TCF7L1: variants seen among roughly 807,000 people sequenced by gnomAD.
TCF7L1 encodes the protein transcription factor 7-like 1.
In TCF7L1, 18 loss-of-function variants were observed where a neutral mutation model predicts 63.7. The observed-to-expected ratio is 0.28, with a 90% CI of 0.20 to 0.42. TCF7L1 has a LOEUF of 0.42. Ranked by LOEUF, TCF7L1 falls within the 10% of genes least tolerant of loss-of-function variation. The pLI is 1.00. For missense variants in TCF7L1, 654 were observed against 779.3 expected (o/e 0.84, Z 1.91); for synonymous variants, 355 against 340.9 (o/e 1.04, Z -0.46).
At chr2:85,291,396 A>G (rs974504643) in intron 4 of TCF7L1, among the ~76,000 whole-genome samples, 16 of 152,160 alleles carry the variant, frequency 1.1e-4, no homozygotes, top group African/African-American at 3.9e-4. Flanking sequence ...ACAAAACACT[A>G]CAAAATAACT....
At position 85,309,334 on chromosome 2, in the gene TCF7L1, C is replaced by T. The variant is rs769827015; in HGVS notation, c.1639C>T (p.Pro547Ser). Reference protein sequence around the residue: ...SQPPLLSRPLPLGSMPTALLA... With the variant: ...SQPPLLSRPLSLGSMPTALLA... The stretch of plus-strand genomic sequence containing the variant: ...GCCTCCCCTCCTGTCCCGGCCCCTC[C>T]CCCTTGGGTCCATGCCCACAGCTCT... The change falls in exon 12 of 12, where the codon CCC becomes TCC. Residue 547 changes from proline to serine, a missense_variant. This residue lies in a region of TCF7L1 where 184 missense variants were observed against 204.0 expected (regional missense o/e 0.90). Transcript: ENST00000282111. The T allele has an allele frequency of 6.2e-7, 1 of 1,612,776 alleles. No individual in the cohort carries two copies. The highest frequency in any genetic ancestry group is 1.1e-5 in the South Asian group (1 of 90,932).
intron 3 of TCF7L1, among the ~76,000 whole-genome samples, chr2:85,208,736 A>G (rs1384709061): frequency 3.9e-5 from 6 of 152,184 alleles, no homozygotes; most frequent in African/African-American, 1.2e-4. Context: ...GGAAGGGACA[A>G]TTCCAGGGTG....
At position 85,302,630 on chromosome 2, in the gene TCF7L1, C is replaced by T. The variant is rs1682010440; in HGVS notation, c.658+14C>T. ...ATCCAAAGACAGGTAAGTCGTCTGC[C>T]ACTCAGGCAGTGCTGCTGCAGGGCA... On this transcript the variant is annotated intron_variant, in intron 5 of 11. Coordinates refer to ENST00000282111, the MANE Select transcript of TCF7L1 (RefSeq NM_031283.3). 1 of 1,612,300 alleles carries T rather than the reference C, an allele frequency of 6.2e-7. No individual in the cohort carries two copies. The highest frequency in any genetic ancestry group is 1.1e-5 in the South Asian group (1 of 90,896).
At chr2:85,178,947 G>C (rs1321716876) in intron 3 of TCF7L1, among the ~76,000 whole-genome samples, 1 of 152,188 alleles carries the variant, frequency 6.6e-6, no homozygotes, top group Non-Finnish European at 1.5e-5. Flanking sequence ...CAAGAGGATG[G>C]ATGGAAGAAA....
chr2:85,225,685 G>A lies in TCF7L1; in HGVS notation c.442-57810G>A, dbSNP rs185851144. 3.5e-3 allele frequency among the ~76,000 whole-genome samples: 530 copies of A among 152,266 alleles called. 5 individuals carry two copies. Among genetic ancestry groups the A allele is most frequent in the African/African-American group, 0.012 (478 of 41,552 alleles). On this transcript the variant is annotated intron_variant, in intron 3 of 11. Coordinates refer to ENST00000282111, the MANE Select transcript of TCF7L1 (RefSeq NM_031283.3). ...GCTTAAGGAGATTTTGGGCTGAGAC[G>A]ATGGGGTTTTCTAAATATACAGTCA...
intron 3 of TCF7L1, among the ~76,000 whole-genome samples, chr2:85,183,388 C>G (rs1456883385): frequency 6.6e-6 from 1 of 152,084 alleles, no homozygotes; most frequent in Non-Finnish European, 1.5e-5. Flanking sequence ...GTCCCTAGTC[C>G]AAGCTTTATA....
intron 3 of TCF7L1, among the ~76,000 whole-genome samples, chr2:85,225,562 G>C (rs1679937632): frequency 6.6e-6 from 1 of 152,202 alleles, no homozygotes; most frequent in African/African-American, 2.4e-5. Context: ...GTTCACTCAT[G>C]ATTTGGCTCT....
chr2:85,161,563 G>A (rs1414822945), intron 3 of TCF7L1, among the ~76,000 whole-genome samples: 1 of 152,218 alleles, frequency 6.6e-6, no homozygotes, highest in Admixed American at 6.5e-5. Context: ...AAAGATTGCT[G>A]TTGGCAGAGG....
chr2:85,226,704 G>A (rs1248904847), intron 3 of TCF7L1, among the ~76,000 whole-genome samples: 1 of 151,862 alleles, frequency 6.6e-6, no homozygotes. Flanking sequence ...CTCTAAAACT[G>A]TCCTGTGATC....
chr2:85,155,955 CAT>C (rs1415889353), intron 3 of TCF7L1, among the ~76,000 whole-genome samples: 2 of 152,192 alleles, frequency 1.3e-5, no homozygotes, highest in African/African-American at 4.8e-5. Context: ...AAGTTTGGCT[CAT>C]ATGTGGTCCT....
intron 3 of TCF7L1, among the ~76,000 whole-genome samples, chr2:85,149,618 G>A (rs867454766): frequency 6.6e-5 from 10 of 151,888 alleles, no homozygotes; most frequent in African/African-American, 1.2e-4. Flanking sequence ...TCCGCCTCCC[G>A]GGTTCACGCC....
rs541185033 is a variant in TCF7L1 at position 85,197,028 on chromosome 2, G to A, written c.441+62578G>A. Among the ~76,000 whole-genome samples the A allele has an allele frequency of 3.3e-5, 5 of 152,276 alleles. No individual in the cohort carries two copies. In the East Asian group the frequency reaches 9.7e-4, roughly 29 times the overall value. The stretch of plus-strand genomic sequence containing the variant: ...CTTGCGTGCAGGTTTCTCTGCCTAG[G>A]TTGGTGTTACCTCACTTCTCACTTG... On this transcript the variant is annotated intron_variant, in intron 3 of 11. Coordinates refer to ENST00000282111, the MANE Select transcript of TCF7L1 (RefSeq NM_031283.3).
chr2:85,290,457 T>C (rs1386341613), intron 4 of TCF7L1, among the ~76,000 whole-genome samples: 1 of 152,202 alleles, frequency 6.6e-6, no homozygotes, highest in Non-Finnish European at 1.5e-5. Flanking sequence ...ATTACAGGCA[T>C]GAGCCATCAT....
chr2:85,145,446 C>G (rs1322921230), intron 3 of TCF7L1, among the ~76,000 whole-genome samples: 1 of 152,192 alleles, frequency 6.6e-6, no homozygotes, highest in Non-Finnish European at 1.5e-5. Flanking sequence ...GATCAATTTA[C>G]AAGTCCAGAT....
chr2:85,151,326 G>T (rs1032681281), intron 3 of TCF7L1, among the ~76,000 whole-genome samples: 3 of 152,130 alleles, frequency 2.0e-5, no homozygotes, highest in Admixed American at 2.0e-4. Context: ...TTAACATGTT[G>T]CTCTATCCAC....
chr2:85,238,386 C>G (rs991413958), intron 3 of TCF7L1, among the ~76,000 whole-genome samples: 1 of 152,170 alleles, frequency 6.6e-6, no homozygotes, highest in African/African-American at 2.4e-5. Flanking sequence ...AGACACGGAG[C>G]CTTCAGCTGC....
At position 85,292,147 on chromosome 2, in the gene TCF7L1, A is replaced by G. The variant is rs1483943089; in HGVS notation, c.525+8569A>G. Among the ~76,000 whole-genome samples the G allele has an allele frequency of 1.3e-4, 6 of 47,314 alleles. 3 individuals carry two copies. Among genetic ancestry groups the G allele is most frequent in the Non-Finnish European group, 1.8e-4 (6 of 32,812 alleles). 31.0% of individuals were successfully genotyped at this position (47,314 alleles called of 152,430 possible). ...GCCATTCTCCCGCCTCAGCCTCCCA[A>G]GTAGCTGGGACTACAGGCGCCCGCC... On this transcript the variant is annotated intron_variant, in intron 4 of 11. Transcript: ENST00000282111.
chr2:85,266,218 CA>C (rs1253593560), intron 3 of TCF7L1, among the ~76,000 whole-genome samples: 1 of 152,190 alleles, frequency 6.6e-6, no homozygotes, highest in Admixed American at 6.5e-5. Flanking sequence ...AACATCCTTG[CA>C]GCTATATTTT....
At chr2:85,233,199 G>T (rs1275115261) in intron 3 of TCF7L1, 3 of 151,880 alleles carry the variant, frequency 2.0e-5, no homozygotes, top group Non-Finnish European at 2.9e-5. Flanking sequence ...CTCCCAAAGT[G>T]CTGGGATTAC....
Sources: allele counts gnomAD v4.1 joint callset (sites outside exome capture counted in the v4.1 genomes callset), GRCh38; gene constraint gnomAD v4.1.1; regional missense constraint gnomAD v4.1.1; transcripts MANE v1.5; gene names NCBI Gene and HGNC (gene_info 2026-07-23, HGNC 2026-07-21).